Variants in LAMC1 observed in about 807,000 individuals in gnomAD.
The protein encoded by LAMC1 is laminin subunit gamma 1.
Under a neutral mutation model 173.6 loss-of-function variants are expected in LAMC1, and 38 were observed. The ratio of observed to expected loss-of-function variants is 0.22; its 90% CI spans 0.17 to 0.29. The LOEUF is 0.29. LAMC1 is among the 10% of genes least tolerant of loss of function. The pLI, the probability that LAMC1 is intolerant of heterozygous loss-of-function variation, is 1.00. For missense variants in LAMC1, 1,824 were observed against 2,051.8 expected, an observed-to-expected ratio of 0.89 and a Z score of 2.14; for synonymous variants, 746 against 749.1, an observed-to-expected ratio of 1.00 and a Z score of 0.07.
At chr1:183,098,571 T>G (rs1655753226) in intron 1 of LAMC1, among the ~76,000 whole-genome samples, 1 of 152,218 alleles carries the variant, frequency 6.6e-6, no homozygotes, top group Non-Finnish European at 1.5e-5. Context: ...TAAGCCTTCT[T>G]TTTTCTAGTC....
At chr1:183,057,985 T>A (rs1301836241) in intron 1 of LAMC1, among the ~76,000 whole-genome samples, 3 of 152,200 alleles carry the variant, frequency 2.0e-5, no homozygotes, top group Non-Finnish European at 4.4e-5. Flanking sequence ...GATTTGCTCT[T>A]GTTTGACAGA....
intron 4 of LAMC1, among the ~76,000 whole-genome samples, chr1:183,112,015 G>A (rs1403193376): frequency 6.6e-6 from 1 of 152,026 alleles, no homozygotes; most frequent in Admixed American, 6.5e-5. Context: ...CTCCAGCCTG[G>A]GCAACAGAGT....
At chr1:183,116,963 T>A (rs1356667823) in intron 8 of LAMC1, 60 bp downstream of exon 8, 1 of 1,506,510 alleles carries the variant, frequency 6.6e-7, no homozygotes, top group Non-Finnish European at 9.1e-7. Flanking sequence ...AAAATATTTT[T>A]AAAAATAAAA....
At chr1:183,025,431 T>G (rs1471012928) in intron 1 of LAMC1, among the ~76,000 whole-genome samples, 1 of 152,212 alleles carries the variant, frequency 6.6e-6, no homozygotes, top group Admixed American at 6.5e-5. Context: ...GTTGAGTCAT[T>G]AAACAAATGA....
At chr1:183,061,373 T>C (rs1654743064) in intron 1 of LAMC1, among the ~76,000 whole-genome samples, 1 of 151,558 alleles carries the variant, frequency 6.6e-6, no homozygotes, top group Admixed American at 6.6e-5. Context: ...TGGTGTTTTT[T>C]TTTTCTTCCC....
intron 1 of LAMC1, among the ~76,000 whole-genome samples, chr1:183,100,660 T>C (rs1655809920): frequency 6.6e-6 from 1 of 152,226 alleles, no homozygotes; most frequent in African/African-American, 2.4e-5. Context: ...ATCTTCTCCA[T>C]GCTTTCCAAA....
Position 183,117,433 on chromosome 1 carries a change from A to G in LAMC1, c.1678A>G (p.Ile560Val), listed in dbSNP as rs751886536. The G allele has an allele frequency of 3.7e-6, 6 of 1,613,294 alleles. No individual in the cohort carries two copies. The highest frequency in any genetic ancestry group is 5.1e-6 in the Non-Finnish European group (6 of 1,179,318). The change falls in exon 9 of 28, where the codon ATT (isoleucine) becomes GTT (valine). Residue 560 changes from isoleucine (I) to valine (V), a missense_variant. Coordinates refer to ENST00000258341, the MANE Select transcript of LAMC1 (RefSeq NM_002293.4). ...AGACAGCTACTTTCCTCGGTACTTC[A>G]TTGCTCCTGGTAAGTAAGGCTAGAA... ...ISDSYFPRYF[I>V]APAKFLGKQV...
intron 1 of LAMC1, among the ~76,000 whole-genome samples, chr1:183,044,010 T>A (rs1417943393): frequency 2.6e-5 from 4 of 152,130 alleles, no homozygotes; most frequent in African/African-American, 9.7e-5. Context: ...TAACTTTCTG[T>A]CCAGTTTTTT....
chr1:183,135,986 A>G (rs755589234), intron 24 of LAMC1, among the ~76,000 whole-genome samples: 5 of 152,006 alleles, frequency 3.3e-5, no homozygotes, highest in Non-Finnish European at 7.4e-5. Flanking sequence ...CAGGTCATGT[A>G]ACTTCTTTAA....
rs201611083 is a variant in LAMC1, at chr1:183,114,513, G to A, written c.1022-18G>A. ...AAGGTACCCAGATCTGATGTAACTC[G>A]TGTGTTTTGACTGACAGCCTGTGAT... On this transcript the variant is annotated intron_variant, in intron 4 of 27. Coordinates refer to ENST00000258341, the MANE Select transcript of LAMC1 (RefSeq NM_002293.4). The A allele has an allele frequency of 1.7e-5, 28 of 1,613,384 alleles. No individual in the cohort carries two copies. The highest frequency in any genetic ancestry group is 2.2e-5 in the East Asian group (1 of 44,880).
chr1:183,058,990 G>A (rs1311058538), intron 1 of LAMC1, among the ~76,000 whole-genome samples: 12 of 152,182 alleles, frequency 7.9e-5, no homozygotes, highest in African/African-American at 2.2e-4. Flanking sequence ...GGGAAAAAAC[G>A]TCTCACAGAA....
At chr1:183,053,102 T>C (rs1437501993) in intron 1 of LAMC1, among the ~76,000 whole-genome samples, 5 of 152,204 alleles carry the variant, frequency 3.3e-5, no homozygotes, top group Non-Finnish European at 7.4e-5. Flanking sequence ...ATTTATTTGT[T>C]TGAATTTATG....
intron 1 of LAMC1, among the ~76,000 whole-genome samples, chr1:183,083,419 T>C (rs1286272209): frequency 6.6e-6 from 1 of 150,418 alleles, no homozygotes; most frequent in Non-Finnish European, 1.5e-5. Context: ...GCCAGCCAGC[T>C]GCCCATATAC....
At chr1:183,080,311 A>T (rs931470229) in intron 1 of LAMC1, among the ~76,000 whole-genome samples, 4 of 152,250 alleles carry the variant, frequency 2.6e-5, no homozygotes, top group East Asian at 3.8e-4. Flanking sequence ...TGTTTAAGTT[A>T]TCACAGTTTC....
chr1:183,135,225 C>G, intron 24 of LAMC1, 69 bp downstream of exon 24: 2 of 902,422 alleles, frequency 2.2e-6, no homozygotes, highest in South Asian at 2.9e-5. Context: ...TTAATCATGA[C>G]TTTTACCATA....
At chr1:183,140,334 A>AT in intron 26 of LAMC1, 70 bp from the exon 27 acceptor site, 1 of 797,726 alleles carries the variant, frequency 1.3e-6, no homozygotes. Flanking sequence ...TTGTTGGGTC[A>AT]TTGGGAAAAA....
At chr1:183,105,486 T>C (rs1341090106) in intron 2 of LAMC1, among the ~76,000 whole-genome samples, 1 of 152,174 alleles carries the variant, frequency 6.6e-6, no homozygotes, top group Non-Finnish European at 1.5e-5. Flanking sequence ...GCACCTTTGC[T>C]AACTGTACAC....
At chr1:183,062,911 C>T (rs1654777388) in intron 1 of LAMC1, among the ~76,000 whole-genome samples, 1 of 152,110 alleles carries the variant, frequency 6.6e-6, no homozygotes, top group Non-Finnish European at 1.5e-5. Flanking sequence ...CAGCATCACA[C>T]CACTGCACTC....
At chr1:183,025,331 C>G (rs1653658606) in intron 1 of LAMC1, among the ~76,000 whole-genome samples, 1 of 111,608 alleles carries the variant, frequency 9.0e-6, no homozygotes, top group African/African-American at 2.8e-5. Context: ...AAGAATTGGA[C>G]TTAACAAAAA....
Sources: gnomAD v4.1 joint callset for allele counts (sites outside exome capture counted in the v4.1 genomes callset) on GRCh38, gnomAD v4.1.1 for gene constraint, MANE v1.5 for transcripts, NCBI Gene and HGNC (gene_info 2026-07-23, HGNC 2026-07-21) for gene names.